LRRC69: variants seen among roughly 807,000 people sequenced by gnomAD.
The protein encoded by LRRC69 is leucine-rich repeat-containing protein 69.
In LRRC69, 42 loss-of-function variants were observed where a neutral mutation model predicts 37.8. The ratio of observed to expected loss-of-function variants is 1.11; its 90% CI spans 0.87 to 1.44. The LOEUF is 1.44. Ranked by LOEUF, LRRC69 falls within the 40% of genes most tolerant of loss-of-function variation. The pLI, the probability that LRRC69 is intolerant of heterozygous loss-of-function variation, is 0.00. For synonymous variants in LRRC69, 141 were observed against 143.1 expected (o/e 0.99, Z 0.11); for missense variants, 357 against 401.9 (o/e 0.89, Z 0.96).
intron 5 of LRRC69, among the ~76,000 whole-genome samples, chr8:91,171,231 C>T (rs1049732045): frequency 5.3e-5 from 8 of 152,104 alleles, no homozygotes; most frequent in Admixed American, 4.6e-4. Flanking sequence ...TTTCCCTTCA[C>T]CCAGGACAAT....
chr8:91,216,207 T>C (rs1810043848), intron 7 of LRRC69, among the ~76,000 whole-genome samples: 1 of 152,160 alleles, frequency 6.6e-6, no homozygotes, highest in Non-Finnish European at 1.5e-5. Context: ...AATATTCATT[T>C]TATTATAATT....
intron 1 of LRRC69, among the ~76,000 whole-genome samples, chr8:91,120,089 T>G (rs1813593133): frequency 6.6e-6 from 1 of 152,020 alleles, no homozygotes; most frequent in Non-Finnish European, 1.5e-5. Context: ...ATAGCAAAAG[T>G]TCTTACAAGA....
intron 6 of LRRC69, among the ~76,000 whole-genome samples, chr8:91,195,270 G>T (rs971504078): frequency 6.6e-6 from 1 of 151,664 alleles, no homozygotes; most frequent in African/African-American, 2.4e-5. Context: ...CCAAGTGTGT[G>T]GTCAATTTTG....
At chr8:91,165,779 C>T (rs555283751) in intron 5 of LRRC69, among the ~76,000 whole-genome samples, 24 of 151,884 alleles carry the variant, frequency 1.6e-4, no homozygotes, top group Middle Eastern at 3.4e-3. Flanking sequence ...TGGAATCAGA[C>T]AAACTTGGGT....
At chr8:91,107,938 C>T (rs1485264287) in intron 1 of LRRC69, among the ~76,000 whole-genome samples, 2 of 152,054 alleles carry the variant, frequency 1.3e-5, no homozygotes, top group Non-Finnish European at 2.9e-5. Flanking sequence ...ATAATGTCAA[C>T]ATGAGTGAAA....
chr8:91,113,998 A>G (rs1813460446), intron 1 of LRRC69, among the ~76,000 whole-genome samples: 1 of 150,578 alleles, frequency 6.6e-6, no homozygotes, highest in African/African-American at 2.4e-5. Context: ...AAAAAAAGGT[A>G]AAGGACCTGA....
intron 4 of LRRC69, 81 bp downstream of exon 4, chr8:91,133,386 G>C (rs2130515711): frequency 9.3e-7 from 1 of 1,070,430 alleles, no homozygotes; most frequent in Admixed American, 3.5e-5. Flanking sequence ...ATTAGATTTG[G>C]GTATCTGAGT....
intron 5 of LRRC69, among the ~76,000 whole-genome samples, chr8:91,184,023 T>C (rs866121614): frequency 1.3e-5 from 2 of 152,292 alleles, no homozygotes; most frequent in Middle Eastern, 3.4e-3. Context: ...CTCACATACC[T>C]GCAACCTCAG....
chr8:91,198,828 A>T (rs1563622882), intron 6 of LRRC69, among the ~76,000 whole-genome samples: 1 of 152,198 alleles, frequency 6.6e-6, no homozygotes, highest in African/African-American at 2.4e-5. Flanking sequence ...CCTAAAAGAT[A>T]CTATTGGTCA....
At chr8:91,213,514 G>C (rs1325463349) in intron 7 of LRRC69, among the ~76,000 whole-genome samples, 1 of 152,204 alleles carries the variant, frequency 6.6e-6, no homozygotes, top group East Asian at 1.9e-4. Context: ...CCTGCTTTAA[G>C]CAGGGAACTG....
chr8:91,196,679 T>A (rs1296679855), intron 6 of LRRC69, among the ~76,000 whole-genome samples: 2 of 152,170 alleles, frequency 1.3e-5, no homozygotes, highest in Middle Eastern at 3.4e-3. Flanking sequence ...TTCTCGAGCC[T>A]TGGTTTTCAG....
chr8:91,201,219 C>A (rs573635803), intron 7 of LRRC69, among the ~76,000 whole-genome samples: 1 of 152,130 alleles, frequency 6.6e-6, no homozygotes, highest in Non-Finnish European at 1.5e-5. Context: ...CATGAATGTG[C>A]ACCTGCAACA....
chr8:91,134,531 A>C (rs1813871036), intron 4 of LRRC69, among the ~76,000 whole-genome samples: 1 of 151,786 alleles, frequency 6.6e-6, no homozygotes, highest in Non-Finnish European at 1.5e-5. Context: ...GGTGCCCAGC[A>C]ACAGTGAACA....
At chr8:91,112,148 A>G (rs929551152) in intron 1 of LRRC69, among the ~76,000 whole-genome samples, 5 of 152,078 alleles carry the variant, frequency 3.3e-5, no homozygotes, top group Non-Finnish European at 7.3e-5. Flanking sequence ...AGCAAAATTA[A>G]CAGTCCTTCT....
At chr8:91,129,706 A>T (rs1166040197) in intron 3 of LRRC69, among the ~76,000 whole-genome samples, 2 of 151,806 alleles carry the variant, frequency 1.3e-5, no homozygotes, top group Non-Finnish European at 2.9e-5. Flanking sequence ...ACTTCCTATT[A>T]TCCTGAGAAA....
chr8:91,137,434 T>A (rs1219256544), intron 5 of LRRC69, among the ~76,000 whole-genome samples: 2 of 152,046 alleles, frequency 1.3e-5, no homozygotes, highest in East Asian at 3.9e-4. Context: ...ATACTCTTTT[T>A]TTCCTCTATA....
intron 5 of LRRC69, among the ~76,000 whole-genome samples, chr8:91,140,379 C>G (rs1233912892): frequency 1.3e-5 from 2 of 151,746 alleles, no homozygotes; most frequent in East Asian, 3.9e-4. Context: ...TTCATTTATC[C>G]TTTTGTAAGT....
chr8:91,103,075 T>C (rs1813249714), intron 1 of LRRC69, among the ~76,000 whole-genome samples: 1 of 152,162 alleles, frequency 6.6e-6, no homozygotes. Flanking sequence ...GGCCCACATC[T>C]GGAGTCAGGG....
At chr8:91,150,304 A>G (rs1050435395) in intron 5 of LRRC69, among the ~76,000 whole-genome samples, 3 of 152,054 alleles carry the variant, frequency 2.0e-5, no homozygotes, top group African/African-American at 4.8e-5. Context: ...AGCGTTGTTG[A>G]ATTTTGTCAA....
Sources: allele counts gnomAD v4.1 joint callset (sites outside exome capture counted in the v4.1 genomes callset), GRCh38; gene constraint gnomAD v4.1.1; transcripts MANE v1.5; gene names NCBI Gene and HGNC (gene_info 2026-07-23, HGNC 2026-07-21).